The following RPSA variants were observed in gnomAD, a reference collection of about 807,000 sequenced individuals.
The protein encoded by RPSA is ribosomal protein SA.
For missense variants in RPSA, 140 were observed against 372.8 expected, an observed-to-expected ratio of 0.38 and a Z score of 5.14; for synonymous variants, 103 against 126.7, an observed-to-expected ratio of 0.81 and a Z score of 1.25.
At chr3:39,411,265 T>G (rs1439700146) in intron 4 of RPSA, 3 of 701,486 alleles carry the variant, frequency 4.3e-6, no homozygotes, top group South Asian at 1.4e-5. Flanking sequence ...AATAGTGTGT[T>G]CTTCTGCCTT....
At chr3:39,410,480 G>A (rs2041990318) in intron 3 of RPSA, 1 of 467,144 alleles carries the variant, frequency 2.1e-6, no homozygotes, top group African/African-American at 2.0e-5. Flanking sequence ...CTGAGTGACA[G>A]TTCTTGCTTG....
chr3:39,411,006 A>T lies in RPSA; in HGVS notation c.498+7A>T. ...CATCCCATGCAACAACAAGGTAATGATTTTAGGATCTAGAGTTTGTGAATG... is the reference window on the plus strand; with the variant it reads ...CATCCCATGCAACAACAAGGTAATGTTTTTAGGATCTAGAGTTTGTGAATG... On this transcript the variant is annotated splice_region_variant and intron_variant, in intron 4 of 6. Transcript: ENST00000301821. 1.9e-6 allele frequency: 3 copies of T among 1,599,670 alleles called. No homozygotes were observed. Among genetic ancestry groups the T allele is most frequent in the Non-Finnish European group, 2.5e-6 (3 of 1,179,916 alleles).
rs1004006806 is a variant in RPSA, at chr3:39,412,171, C to A, written c.794-103C>A. The A allele has an allele frequency of 2.9e-5, 39 of 1,352,366 alleles. 1 individual carries two copies. Among genetic ancestry groups the A allele is most frequent in the Non-Finnish European group, 3.6e-5 (34 of 943,194 alleles). 83.8% of individuals were successfully genotyped at this position (1,352,366 alleles called of 1,614,324 possible). On this transcript the variant is annotated intron_variant, in intron 6 of 6. Coordinates refer to ENST00000301821, the MANE Select transcript of RPSA (RefSeq NM_002295.6). Reference sequence around the variant, plus strand: ...ATACTAGCTTTAAGAGGTTTTCATTCCAGTGTGCTACAGCATCTGATAGAC... The same window carrying A: ...ATACTAGCTTTAAGAGGTTTTCATTACAGTGTGCTACAGCATCTGATAGAC...
At chr3:39,411,465 A>G in intron 4 of RPSA, 184 bp from the exon 5 acceptor site, 1 of 648,984 alleles carries the variant, frequency 1.5e-6, no homozygotes, top group Non-Finnish European at 2.6e-6. Context: ...TTTTTTTTCA[A>G]TCCCTATGAT....
At chr3:39,407,002 C>A (rs2041926867) in intron 1 of RPSA, 1 of 452,736 alleles carries the variant, frequency 2.2e-6, no homozygotes, top group Non-Finnish European at 4.4e-6. Context: ...AGCTGGGGTT[C>A]GGACCAGGCC....
At chr3:39,407,580 C>A in intron 1 of RPSA, 41 bp from the exon 2 acceptor site, 1 of 1,484,788 alleles carries the variant, frequency 6.7e-7, no homozygotes, top group Non-Finnish European at 9.3e-7. Flanking sequence ...CCCTACTTAA[C>A]TCAATGGAAT....
chr3:39,411,045 AAAC>A, intron 4 of RPSA, 46 bp downstream of exon 4: 2 of 1,595,518 alleles, frequency 1.3e-6, no homozygotes, highest in Non-Finnish European at 1.7e-6. Flanking sequence ...GCTCTAGAAA[AAAC>A]ATTCCTGTGC....
At chr3:39,411,825 T>C (rs775902032) in intron 5 of RPSA, 48 bp downstream of exon 5, 90 of 1,599,494 alleles carry the variant, frequency 5.6e-5, no homozygotes, top group Non-Finnish European at 7.0e-5. Flanking sequence ...TTGGACGACT[T>C]GGACTGTGCT....
At chr3:39,412,243 C>A in intron 6 of RPSA, 31 bp from the exon 7 acceptor site, 2 of 1,542,008 alleles carry the variant, frequency 1.3e-6, no homozygotes, top group Non-Finnish European at 1.8e-6. Flanking sequence ...GAGGACAGAG[C>A]TGATGGCTTT....
intron 5 of RPSA, 37 bp downstream of exon 5, chr3:39,411,814 A>AT: frequency 6.3e-7 from 1 of 1,599,634 alleles, no homozygotes; most frequent in African/African-American, 1.3e-5. Context: ...ACATAAGCAA[A>AT]TTGGACGACT....
At chr3:39,407,963 C>G (rs2041943682) in intron 2 of RPSA, 177 bp downstream of exon 2, 1 of 580,242 alleles carries the variant, frequency 1.7e-6, no homozygotes, top group African/African-American at 1.9e-5. Flanking sequence ...GATTTCTGCT[C>G]CAGGGGAGGA....
intron 2 of RPSA, 21 bp downstream of exon 2, chr3:39,407,807 T>G (rs753580329): frequency 1.3e-6 from 2 of 1,593,520 alleles, no homozygotes; most frequent in East Asian, 4.5e-5. Flanking sequence ...GCTTTAATTT[T>G]TTGTTACTCC....
intron 3 of RPSA, 37 bp downstream of exon 3, chr3:39,408,761 A>T: frequency 1.8e-6 from 2 of 1,116,424 alleles, no homozygotes; most frequent in Non-Finnish European, 2.8e-6. Flanking sequence ...TATTATAGAA[A>T]TAAAGCTTAC....
In RPSA at chr3:39,407,805, T is replaced by G. The variant is rs2041940938; in HGVS notation, c.133+19T>G. The G allele has an allele frequency of 6.3e-7, 1 of 1,593,868 alleles. No homozygotes were observed. Among genetic ancestry groups the G allele is most frequent in the African/African-American group, 1.3e-5 (1 of 74,786 alleles). On this transcript the variant is annotated intron_variant, in intron 2 of 6. Coordinates refer to ENST00000301821, the MANE Select transcript of RPSA (RefSeq NM_002295.6). ...AGTGATGGTTAGTCATTGCTTTAATTTTTTGTTACTCCAGCTGTAAGTACA... is the reference window on the plus strand; with the variant it reads ...AGTGATGGTTAGTCATTGCTTTAATGTTTTGTTACTCCAGCTGTAAGTACA...
chr3:39,412,006 A>G lies in RPSA; in HGVS notation c.738A>G (p.Ala246=). 1.2e-6 allele frequency: 2 copies of G among 1,606,890 alleles called. No homozygotes were observed. Among genetic ancestry groups the G allele is most frequent in the Admixed American group, 1.7e-5 (1 of 60,020 alleles). ...PEFTATQPEV[A]DWSEGVQVPS... is the part of the protein sequence containing the mutation. ...TCACTGCTACTCAGCCTGAGGTTGC[A>G]GACTGGTCTGAAGGTGTACAGGTGC... Residue 246 remains alanine (A), a synonymous_variant, in exon 6 of 7, where the codon GCA becomes GCG. Coordinates refer to ENST00000301821, the MANE Select transcript of RPSA (RefSeq NM_002295.6).
At position 39,411,660 on chromosome 3, in the gene RPSA, A is replaced by G. The variant is rs1421307503; in HGVS notation, c.510A>G (p.Ser170=). The G allele has an allele frequency of 1.9e-6, 3 of 1,609,218 alleles. No individual in the cohort carries two copies. The highest frequency in any genetic ancestry group is 1.3e-5 in the African/African-American group (1 of 75,036). The part of the protein sequence containing the change: ...AIPCNNKGAH[S]VGLMWWMLAR... The stretch of plus-strand genomic sequence containing the variant: ...GCCACTCTTGGCAGGGAGCTCACTC[A>G]GTGGGTTTGATGTGGTGGATGCTGG... Residue 170 remains serine (S), a synonymous_variant, in exon 5 of 7, where the codon TCA becomes TCG. Coordinates refer to ENST00000301821, the MANE Select transcript of RPSA (RefSeq NM_002295.6).
intron 3 of RPSA, 197 bp from the exon 4 acceptor site, chr3:39,410,557 G>A: frequency 1.6e-6 from 1 of 627,032 alleles, no homozygotes; most frequent in Non-Finnish European, 2.8e-6. Context: ...GGGATATATA[G>A]TAGAAAAACA....
chr3:39,409,207 T>TTTTTTTC (rs2041968456), intron 3 of RPSA, among the ~76,000 whole-genome samples: 2 of 116,244 alleles, frequency 1.7e-5, no homozygotes, highest in Non-Finnish European at 3.8e-5. Flanking sequence ...TTTTTTTTTT[T>TTTTTTTC]CCTTCAAGAC....
chr3:39,407,765 A>G lies in RPSA; in HGVS notation c.112A>G (p.Ile38Val). The change falls in exon 2 of 7, where the codon ATC becomes GTC. Residue 38 changes from isoleucine (I) to valine (V), a missense_variant. Physicochemically the swap from Ile to Val is conservative, Grantham distance 29. Transcript: ENST00000301821. ...TNLDFQMEQYIYKRKSDGIYI... is the reference protein window; with the variant it reads ...TNLDFQMEQYVYKRKSDGIYI... ...TCTTGACTTCCAGATGGAACAGTAC[A>G]TCTATAAAAGGAAAAGTGATGGTTA... is the stretch of plus-strand genomic sequence containing the variant. 1 of 1,598,246 alleles carries G rather than the reference A, an allele frequency of 6.3e-7. No homozygotes were observed. Among genetic ancestry groups the G allele is most frequent in the South Asian group, 1.1e-5 (1 of 91,076 alleles).
Sources: gnomAD v4.1 joint callset for allele counts (sites outside exome capture counted in the v4.1 genomes callset) on GRCh38, gnomAD v4.1.1 for gene constraint, MANE v1.5 for transcripts, NCBI Gene and HGNC (gene_info 2026-07-23, HGNC 2026-07-21) for gene names.